The following FAM221B variants were observed in gnomAD, a reference collection of about 807,000 sequenced individuals.
FAM221B encodes the protein protein FAM221B.
Under a neutral mutation model 39.8 loss-of-function variants are expected in FAM221B, and 35 were observed. The observed-to-expected ratio is 0.88, with a 90% CI of 0.67 to 1.17. FAM221B has a LOEUF of 1.17. FAM221B is among the 50% of genes most tolerant of loss of function. FAM221B has a pLI of 0.00. For missense variants in FAM221B, 479 were observed against 503.1 expected, an observed-to-expected ratio of 0.95 and a Z score of 0.46; for synonymous variants, 158 against 178.1, an observed-to-expected ratio of 0.89 and a Z score of 0.90.
rs925469578 is a variant in FAM221B at position 35,818,485 on chromosome 9, C to T, written c.1193G>A (p.Trp398Ter). The T allele has an allele frequency of 3.2e-6, 5 of 1,551,638 alleles. No individual in the cohort carries two copies. In the African/African-American group the frequency reaches 5.5e-5, roughly 17 times the overall value. The change falls in exon 7 of 7, where the codon TGG becomes TAG. Residue 398 changes from tryptophan to a stop codon, truncating the protein, a stop_gained. Transcript: ENST00000423537. LOFTEE classifies it high-confidence loss of function. ...GGGCCAGACTCACAAAGGCCTGTGC[C>T]AGTTGCTGACAGTGTCTGTCCCTGG... ...RPRGTDTVSN[W>*]HRPL
In FAM221B at chr9:35,825,491, ATAG is replaced by A. The variant is rs1308787324; in HGVS notation, c.598+70_598+72del. 1 of 1,576,020 alleles carries A rather than the reference ATAG, an allele frequency of 6.3e-7. No individual in the cohort carries two copies. The highest frequency in any genetic ancestry group is 1.3e-5 in the African/African-American group (1 of 74,112). On this transcript the variant is annotated intron_variant, in intron 2 of 6. Transcript: ENST00000423537. The surrounding 1 kb of genome is among the most constrained non-coding windows in gnomAD (Gnocchi z 4.2). ...TCCTGGGGCAAGTCAAGGACAGTGA[ATAG>A]TAGTGAGAACAGGACAGGGGAGAGG...
Position 35,825,817 on chromosome 9 carries a change from A to G in FAM221B, c.345T>C (p.Tyr115=), listed in dbSNP as rs1829331094. 1.2e-6 allele frequency: 2 copies of G among 1,614,022 alleles called. No individual in the cohort carries two copies. Among genetic ancestry groups the G allele is most frequent in the Admixed American group, 1.7e-5 (1 of 60,008 alleles). Residue 115 remains tyrosine, a synonymous_variant, in exon 2 of 7, where the codon TAT becomes TAC. Coordinates refer to ENST00000423537, the MANE Select transcript of FAM221B (RefSeq NM_001012446.4). The surrounding 1 kb of genome is among the most constrained non-coding windows in gnomAD (Gnocchi z 4.2). ...GAGTATCAGAAGAAGACAGACAGAC[A>G]TAGTCTCGTGATTGGGGAGGAAGAG... ...HLTLPPQSRD[Y]VCLSSSDTLK... is the part of the protein sequence containing the mutation.
chr9:35,820,155 C>T (rs1298472000), intron 3 of FAM221B, among the ~76,000 whole-genome samples, 155 bp from the exon 4 acceptor site: 3 of 152,174 alleles, frequency 2.0e-5, no homozygotes, highest in African/African-American at 7.2e-5. Context: ...TCACCTCTAC[C>T]CCTTAGATTT....
At chr9:35,818,634 T>C in intron 6 of FAM221B, 128 bp from the exon 7 acceptor site, 1 of 1,055,068 alleles carries the variant, frequency 9.5e-7, no homozygotes, top group Non-Finnish European at 1.4e-6. Flanking sequence ...AGAGGGCCCC[T>C]GTATCTGCAG....
intron 1 of FAM221B, 97 bp from the exon 2 acceptor site, chr9:35,826,258 G>T: frequency 1.1e-6 from 1 of 902,676 alleles, no homozygotes; most frequent in Non-Finnish European, 1.7e-6. Context: ...ATGGAATTTG[G>T]ATAAGGATAT....
intron 3 of FAM221B, among the ~76,000 whole-genome samples, chr9:35,820,842 C>T (rs555581458): frequency 3.5e-4 from 53 of 152,272 alleles, no homozygotes; most frequent in Non-Finnish European, 6.3e-4. Context: ...TCCCTGGCTT[C>T]GTGACTAGTC....
At chr9:35,824,184 T>G (rs1408598670) in intron 3 of FAM221B, among the ~76,000 whole-genome samples, 1 of 152,126 alleles carries the variant, frequency 6.6e-6, no homozygotes, top group Non-Finnish European at 1.5e-5. Flanking sequence ...AAAGGAAGTA[T>G]GAAGGACCAA....
chr9:35,827,558 C>G (rs1374277212), intron 1 of FAM221B, among the ~76,000 whole-genome samples: 3 of 152,156 alleles, frequency 2.0e-5, no homozygotes, highest in African/African-American at 7.2e-5. Context: ...CCTAATTTAT[C>G]CTGCAAGGAT....
At chr9:35,821,679 A>G (rs1829155349) in intron 3 of FAM221B, 1 of 1,320,696 alleles carries the variant, frequency 7.6e-7, no homozygotes, top group Middle Eastern at 3.2e-4. Context: ...CCAAAGATCA[A>G]GGCCTGCTCG....
In FAM221B at chr9:35,819,185, C is replaced by T. The variant is rs1248236362; in HGVS notation, c.1051+12G>A. On this transcript the variant is annotated intron_variant, in intron 5 of 6. Transcript: ENST00000423537. ...ACCCTGCTCCCAATACACCTCTTGC[C>T]CTAGAAGTTACCATGATGCCTGCAG... 1 of 1,550,082 alleles carries T rather than the reference C, an allele frequency of 6.5e-7. No homozygotes were observed. Among genetic ancestry groups the T allele is most frequent in the South Asian group, 1.2e-5 (1 of 83,890 alleles).
In FAM221B at chr9:35,825,828, A is replaced by T; in HGVS notation, c.334T>A (p.Ser112Thr). Residue 112 changes from serine (S) to threonine (T), a missense_variant, in exon 2 of 7, where the codon TCA becomes ACA. Ser to Thr is a moderately conservative substitution (Grantham distance 58). Coordinates refer to ENST00000423537, the MANE Select transcript of FAM221B (RefSeq NM_001012446.4). The surrounding 1 kb of genome is among the most constrained non-coding windows in gnomAD (Gnocchi z 4.2). ...GAAGACAGACAGACATAGTCTCGTG[A>T]TTGGGGAGGAAGAGTAAGGTGTTTC... The part of the protein sequence containing the change: ...PEKHLTLPPQ[S>T]RDYVCLSSSD... 1 of 1,614,086 alleles carries T rather than the reference A, an allele frequency of 6.2e-7. No homozygotes were observed. The highest frequency in any genetic ancestry group is 8.5e-7 in the Non-Finnish European group (1 of 1,180,026).
At position 35,818,454 on chromosome 9, in the gene FAM221B, T is replaced by C; in HGVS notation, c.*15A>G. On this transcript the variant is annotated 3_prime_UTR_variant, in exon 7 of 7. Transcript: ENST00000423537. ...GTTCCAATGACTCCTCTTTTATTGCTGATCTGGGCCAGACTCACAAAGGCC... is the reference window on the plus strand; with the variant it reads ...GTTCCAATGACTCCTCTTTTATTGCCGATCTGGGCCAGACTCACAAAGGCC... 6.4e-7 allele frequency: 1 copy of C among 1,551,640 alleles called. No homozygotes were observed. The highest frequency in any genetic ancestry group is 8.7e-7 in the Non-Finnish European group (1 of 1,146,934).
In FAM221B at chr9:35,825,118, A is replaced by G. The variant is rs2132150625; in HGVS notation, c.742+112T>C. 26 of 1,268,918 alleles carry G rather than the reference A, an allele frequency of 2.0e-5. No homozygotes were observed. Among genetic ancestry groups the G allele is most frequent in the Non-Finnish European group, 2.8e-5 (26 of 914,582 alleles). The allele number at this position is 1,268,918 out of a possible 1,614,324, so 78.6% of individuals were successfully genotyped here. The stretch of plus-strand genomic sequence containing the variant: ...TGCTCCTTTTCCAGGCAGGTGGTAT[A>G]GCCATTTCCAAAAGGGGAAGCTATC... On this transcript the variant is annotated intron_variant, in intron 3 of 6. Transcript: ENST00000423537. The surrounding 1 kb of genome is among the most constrained non-coding windows in gnomAD (Gnocchi z 4.2).
chr9:35,823,588 T>G (rs937444053), intron 3 of FAM221B, among the ~76,000 whole-genome samples: 1 of 152,154 alleles, frequency 6.6e-6, no homozygotes, highest in African/African-American at 2.4e-5. Flanking sequence ...AAGTTCAATT[T>G]GAAGAAGAAA....
At chr9:35,822,850 C>T (rs947822214) in intron 3 of FAM221B, among the ~76,000 whole-genome samples, 3 of 152,202 alleles carry the variant, frequency 2.0e-5, no homozygotes, top group Non-Finnish European at 4.4e-5. Flanking sequence ...TGTCTTTCTC[C>T]AGTCTACCCT....
chr9:35,819,433 G>A (rs1457907641), intron 4 of FAM221B, 39 bp from the exon 5 acceptor site: 2 of 1,522,398 alleles, frequency 1.3e-6, no homozygotes, highest in Middle Eastern at 1.7e-4. Context: ...TAATCTGATA[G>A]GACCTTGCCT....
In FAM221B at chr9:35,818,447, T is replaced by G. The variant is rs1304199169; in HGVS notation, c.*22A>C. 6.4e-7 allele frequency: 1 copy of G among 1,551,402 alleles called. No homozygotes were observed. The highest frequency in any genetic ancestry group is 8.7e-7 in the Non-Finnish European group (1 of 1,146,824). On this transcript the variant is annotated 3_prime_UTR_variant, in exon 7 of 7. Transcript: ENST00000423537. Reference sequence around the variant, plus strand: ...AAGTCAGGTTCCAATGACTCCTCTTTTATTGCTGATCTGGGCCAGACTCAC... The same window carrying G: ...AAGTCAGGTTCCAATGACTCCTCTTGTATTGCTGATCTGGGCCAGACTCAC...
In FAM221B at chr9:35,825,186, C is replaced by T; in HGVS notation, c.742+44G>A. The T allele has an allele frequency of 6.2e-7, 1 of 1,610,858 alleles. No homozygotes were observed. The highest frequency in any genetic ancestry group is 8.5e-7 in the Non-Finnish European group (1 of 1,177,902). ...CCCAGATCTTTTGGATTAGAGGATG[C>T]CCATGGGCCTGTCACAGGCCTCTGA... On this transcript the variant is annotated intron_variant, in intron 3 of 6. Transcript: ENST00000423537. The surrounding 1 kb of genome is among the most constrained non-coding windows in gnomAD (Gnocchi z 4.2).
At position 35,816,505 on chromosome 9, in the gene FAM221B, G is replaced by C. The variant is rs571341113; in HGVS notation, c.*1964C>G. The C allele has an allele frequency of 2.3e-4, 35 of 149,704 alleles. No homozygotes were observed. The highest frequency in any genetic ancestry group is 7.6e-4 in the African/African-American group (31 of 40,620). 9.3% of individuals were successfully genotyped at this position (149,704 alleles called of 1,614,324 possible). On this transcript the variant is annotated 3_prime_UTR_variant, in exon 7 of 7. Transcript: ENST00000423537. ...TTTTTCATAATATGTAATATGTATTGCATATGATACTAACCCATGTGTAAT... is the reference window on the plus strand; with the variant it reads ...TTTTTCATAATATGTAATATGTATTCCATATGATACTAACCCATGTGTAAT...
Sources: gnomAD v4.1 joint callset for allele counts (sites outside exome capture counted in the v4.1 genomes callset) on GRCh38, gnomAD v4.1.1 for gene constraint, Gnocchi (gnomAD v3.1) non-coding constraint, MANE v1.5 for transcripts, NCBI Gene and HGNC (gene_info 2026-07-23, HGNC 2026-07-21) for gene names.